BBS9: variants seen among roughly 807,000 people sequenced by gnomAD.
BBS9 encodes Bardet-Biedl syndrome 9.
A neutral mutation model predicts 117.7 loss-of-function variants in BBS9; 89 were observed. The observed-to-expected ratio is 0.76, with a 90% CI of 0.64 to 0.90. The LOEUF is 0.90. Among genes scored for constraint, BBS9 ranks in the 40% least tolerant of loss-of-function variants. The pLI, the probability that BBS9 is intolerant of heterozygous loss-of-function variation, is 0.00. For synonymous variants in BBS9, 379 were observed against 370.9 expected (o/e 1.02, Z -0.25); for missense variants, 982 against 1,042.2 (o/e 0.94, Z 0.80).
chr7:33,262,150 A>T (rs1376554129), intron 6 of BBS9, among the ~76,000 whole-genome samples: 1 of 152,158 alleles, frequency 6.6e-6, no homozygotes, highest in Admixed American at 6.5e-5. Context: ...TACTCTTCTG[A>T]GTTGTCTTTT....
chr7:33,565,780 A>AGTGT (rs1348702101), intron 21 of BBS9, among the ~76,000 whole-genome samples: 1 of 52,872 alleles, frequency 1.9e-5, no homozygotes, highest in South Asian at 9.8e-4. Flanking sequence ...GGCTATCAGT[A>AGTGT]GTATATATAT....
chr7:33,351,076 T>G, intron 13 of BBS9, 143 bp from the exon 14 acceptor site: 1 of 618,268 alleles, frequency 1.6e-6, no homozygotes, highest in Non-Finnish European at 2.9e-6. Flanking sequence ...CCTCACAGGT[T>G]TGTTGTGAAG....
intron 19 of BBS9, among the ~76,000 whole-genome samples, chr7:33,440,680 A>G (rs1054347195): frequency 1.3e-5 from 2 of 152,242 alleles, no homozygotes; most frequent in Non-Finnish European, 2.9e-5. Flanking sequence ...AACGTACTGA[A>G]TCACAGCACA....
At chr7:33,284,673 G>T (rs568029032) in intron 9 of BBS9, among the ~76,000 whole-genome samples, 41 of 152,066 alleles carry the variant, frequency 2.7e-4, no homozygotes, top group African/African-American at 9.6e-4. Context: ...CTTTTGGTTG[G>T]CTACTTATTT....
At position 33,534,084 on chromosome 7, in the gene BBS9, A is replaced by G; in HGVS notation, c.2429A>G (p.Lys810Arg). ...CCCAAAGACACAAGCCAACTGAAGA[A>G]ACATATCACCTTGCTCTGCGATAGA... ...NIPKDTSQLK[K>R]HITLLCDRLS... The change falls in exon 21 of 23, where the codon AAA (lysine) becomes AGA (arginine). Residue 810 changes from lysine to arginine, a missense_variant. By Grantham distance (26) the Lys-to-Arg change is conservative. Coordinates refer to ENST00000242067, the MANE Select transcript of BBS9 (RefSeq NM_198428.3). The G allele has an allele frequency of 1.9e-6, 3 of 1,614,206 alleles. No homozygotes were observed. The highest frequency in any genetic ancestry group is 2.2e-5 in the South Asian group (2 of 91,080).
At chr7:33,284,739 G>C (rs1161856733) in intron 9 of BBS9, among the ~76,000 whole-genome samples, 1 of 151,758 alleles carries the variant, frequency 6.6e-6, no homozygotes, top group African/African-American at 2.4e-5. Context: ...TTTGTCATTT[G>C]TTTTCTCTGT....
chr7:33,576,412 T>A (rs1858874387), intron 21 of BBS9, among the ~76,000 whole-genome samples: 1 of 151,882 alleles, frequency 6.6e-6, no homozygotes, highest in Non-Finnish European at 1.5e-5. Context: ...AAAGAGGACA[T>A]AAAGAAATGG....
intron 9 of BBS9, among the ~76,000 whole-genome samples, chr7:33,331,846 AG>A (rs1814139063): frequency 6.6e-6 from 1 of 152,226 alleles, no homozygotes; most frequent in South Asian, 2.1e-4. Context: ...AAGGATGGGA[AG>A]AATCAATATT....
At chr7:33,471,215 T>C (rs908887267) in intron 19 of BBS9, among the ~76,000 whole-genome samples, 3 of 152,184 alleles carry the variant, frequency 2.0e-5, no homozygotes, top group African/African-American at 7.2e-5. Flanking sequence ...TGTACAGTCA[T>C]AGTGGGATGG....
At chr7:33,569,220 C>T (rs899490361) in intron 21 of BBS9, among the ~76,000 whole-genome samples, 16 of 152,224 alleles carry the variant, frequency 1.1e-4, no homozygotes, top group African/African-American at 2.9e-4. Flanking sequence ...AAGTATTATA[C>T]ACAAACGCTT....
At chr7:33,419,145 G>A (rs965638423) in intron 19 of BBS9, among the ~76,000 whole-genome samples, 3 of 151,904 alleles carry the variant, frequency 2.0e-5, no homozygotes, top group Admixed American at 6.6e-5. Context: ...CTGTAGTAAG[G>A]TCTTGAGTAA....
At chr7:33,240,529 AGGCGT>A (rs1433335037) in intron 5 of BBS9, among the ~76,000 whole-genome samples, 1 of 152,202 alleles carries the variant, frequency 6.6e-6, no homozygotes, top group African/African-American at 2.4e-5. Flanking sequence ...CTGGGATTAC[AGGCGT>A]GTGCCACTGG....
chr7:33,596,049 A>G (rs1442005690), intron 21 of BBS9, among the ~76,000 whole-genome samples: 3 of 152,026 alleles, frequency 2.0e-5, no homozygotes, highest in African/African-American at 7.2e-5. Flanking sequence ...GAGGGAGAGC[A>G]TTAGGACAAA....
At chr7:33,493,174 T>C (rs576464160) in intron 19 of BBS9, among the ~76,000 whole-genome samples, 3 of 152,144 alleles carry the variant, frequency 2.0e-5, no homozygotes, top group Non-Finnish European at 4.4e-5. Flanking sequence ...TTTGTATTTT[T>C]AGTAGAGACA....
intron 21 of BBS9, among the ~76,000 whole-genome samples, chr7:33,556,166 A>G (rs952042854): frequency 1.3e-5 from 2 of 152,216 alleles, no homozygotes; most frequent in African/African-American, 4.8e-5. Flanking sequence ...TTTATTAGAC[A>G]GCAAGTCTCT....
intron 21 of BBS9, among the ~76,000 whole-genome samples, chr7:33,559,570 C>A (rs915128964): frequency 2.0e-5 from 3 of 152,100 alleles, no homozygotes; most frequent in African/African-American, 7.2e-5. Context: ...GACTTAACAG[C>A]CTGGTAATTA....
chr7:33,595,143 C>A (rs1862524842), intron 21 of BBS9, among the ~76,000 whole-genome samples: 1 of 152,142 alleles, frequency 6.6e-6, no homozygotes, highest in Non-Finnish European at 1.5e-5. Context: ...GCAAAGACTT[C>A]ATGACAAAAC....
chr7:33,605,401 G>GT lies in BBS9; in HGVS notation c.*176dup. ...ACTTTTTACTTCACTAGGAGAACTT[G>GT]TAACACCATGGGGAAGTCAGCTGAA... On this transcript the variant is annotated 3_prime_UTR_variant, in exon 23 of 23. Transcript: ENST00000242067. The GT allele has an allele frequency of 2.9e-6, 2 of 694,826 alleles. No homozygotes were observed. Among genetic ancestry groups the GT allele is most frequent in the Non-Finnish European group, 5.2e-6 (2 of 386,346 alleles). The allele number at this position is 694,826 out of a possible 1,614,324, so 43.0% of individuals were successfully genotyped here.
chr7:33,356,441 C>A (rs1706763308), intron 15 of BBS9, among the ~76,000 whole-genome samples: 1 of 151,678 alleles, frequency 6.6e-6, no homozygotes, highest in Admixed American at 6.6e-5. Flanking sequence ...TGAAATAATA[C>A]CCTGGGACTT....
Sources: gnomAD v4.1 joint callset for allele counts (sites outside exome capture counted in the v4.1 genomes callset) on GRCh38, gnomAD v4.1.1 for gene constraint, MANE v1.5 for transcripts, NCBI Gene and HGNC (gene_info 2026-07-23, HGNC 2026-07-21) for gene names.